STAU2: variants seen among roughly 807,000 people sequenced by gnomAD.
STAU2 encodes the protein staufen double-stranded RNA binding protein 2.
STAU2 carries 20 observed loss-of-function variants against 65.9 expected under a neutral mutation model. The observed-to-expected ratio is 0.30, with a 90% CI of 0.21 to 0.44. The LOEUF (loss-of-function observed/expected upper bound fraction) is 0.44. Ranked by LOEUF, STAU2 falls within the 20% of genes least tolerant of loss-of-function variation. STAU2 has a pLI of 1.00. For missense variants in STAU2, 558 were observed against 683.9 expected, an observed-to-expected ratio of 0.82 and a Z score of 2.05; for synonymous variants, 232 against 233.9, an observed-to-expected ratio of 0.99 and a Z score of 0.07.
At chr8:73,608,089 G>A (rs1431097248) in intron 9 of STAU2, among the ~76,000 whole-genome samples, 1 of 152,096 alleles carries the variant, frequency 6.6e-6, no homozygotes, top group Non-Finnish European at 1.5e-5. Flanking sequence ...TAGGATTTTG[G>A]ACTTTATCCA....
At chr8:73,447,512 T>C (rs1211549961) in intron 13 of STAU2, among the ~76,000 whole-genome samples, 1 of 152,256 alleles carries the variant, frequency 6.6e-6, no homozygotes, top group Non-Finnish European at 1.5e-5. Context: ...CTGCAATGGA[T>C]ATTCCTCTAC....
rs1554595570 is a variant in STAU2 at position 73,481,528 on chromosome 8, A to AAACC, written c.1531-58827_1531-58826insGGTT. ...AAAAACAAAAAAACAAAAAAAAAAA[A>AAACC]CACTTTTTTTGAGTGAACCAAACTA... On this transcript the variant is annotated intron_variant, in intron 13 of 14. Transcript: ENST00000524300. Among the ~76,000 whole-genome samples the AAACC allele has an allele frequency of 3.2e-4, 47 of 145,418 alleles. 1 individual carries two copies. Among genetic ancestry groups the AAACC allele is most frequent in the East Asian group, 1.3e-3 (6 of 4,582 alleles).
rs575127473 is a variant in STAU2 at position 73,498,848 on chromosome 8, T to A, written c.1530+53164A>T. On this transcript the variant is annotated intron_variant, in intron 13 of 14. Coordinates refer to ENST00000524300, the MANE Select transcript of STAU2 (RefSeq NM_001164380.2). ...GGAATGTGACGGTTAATTTTATGTG[T>A]TAACTTGGCTGTGCTGTGGTGCCCA... Among the ~76,000 whole-genome samples the A allele has an allele frequency of 9.2e-5, 14 of 151,946 alleles. 1 individual carries two copies. Among genetic ancestry groups the A allele is most frequent in the African/African-American group, 3.1e-4 (13 of 41,504 alleles).
At position 73,723,265 on chromosome 8, in the gene STAU2, A is replaced by G. The variant is rs571663289; in HGVS notation, c.-17-14103T>C. 3.3e-5 allele frequency among the ~76,000 whole-genome samples: 5 copies of G among 152,300 alleles called. No homozygotes were observed. The East Asian group carries it at 9.6e-4, about 29-fold the overall frequency. On this transcript the variant is annotated intron_variant, in intron 3 of 14. Coordinates refer to ENST00000524300, the MANE Select transcript of STAU2 (RefSeq NM_001164380.2). Reference sequence around the variant, plus strand: ...ATGCAGACATGGGAAGAACATGAAAACATCACACCAATACTGGCCCCAGCC... The same window carrying G: ...ATGCAGACATGGGAAGAACATGAAAGCATCACACCAATACTGGCCCCAGCC...
At chr8:73,501,605 A>C (rs1442675911) in intron 13 of STAU2, among the ~76,000 whole-genome samples, 1 of 151,938 alleles carries the variant, frequency 6.6e-6, no homozygotes, top group Non-Finnish European at 1.5e-5. Flanking sequence ...GAGTTTCCTG[A>C]GCATATTCTA....
At chr8:73,431,121 T>A (rs1019163552) in intron 13 of STAU2, among the ~76,000 whole-genome samples, 1 of 152,220 alleles carries the variant, frequency 6.6e-6, no homozygotes, top group Admixed American at 6.5e-5. Context: ...CCAAGCTGTG[T>A]AACTTCCCAC....
chr8:73,673,095 A>C lies in STAU2; in HGVS notation c.410+12T>G. 1.9e-6 allele frequency: 3 copies of C among 1,544,932 alleles called. No individual in the cohort carries two copies. Among genetic ancestry groups the C allele is most frequent in the African/African-American group, 1.4e-5 (1 of 72,164 alleles). On this transcript the variant is annotated intron_variant, in intron 6 of 14. Transcript: ENST00000524300. ...TAATAATTAAGAACAAAACCAAAAAAGACATACAAACCTCTGATTGTACAT... is the reference window on the plus strand; with the variant it reads ...TAATAATTAAGAACAAAACCAAAAACGACATACAAACCTCTGATTGTACAT...
At chr8:73,643,638 T>C (rs1815153670) in intron 6 of STAU2, among the ~76,000 whole-genome samples, 1 of 152,172 alleles carries the variant, frequency 6.6e-6, no homozygotes, top group Non-Finnish European at 1.5e-5. Flanking sequence ...ACATACCATA[T>C]ACCTGTACTT....
intron 4 of STAU2, among the ~76,000 whole-genome samples, chr8:73,698,677 G>C (rs1405155790): frequency 6.6e-6 from 1 of 152,028 alleles, no homozygotes; most frequent in African/African-American, 2.4e-5. Context: ...TAGACCTAAA[G>C]AGAAAGACAG....
intron 12 of STAU2, among the ~76,000 whole-genome samples, chr8:73,574,609 G>A (rs1010678204): frequency 5.9e-5 from 9 of 152,176 alleles, no homozygotes; most frequent in Admixed American, 6.5e-5. Context: ...CCTTTGTAGG[G>A]ACATGGATAA....
chr8:73,668,346 G>A (rs544928852), intron 6 of STAU2, among the ~76,000 whole-genome samples: 4 of 152,296 alleles, frequency 2.6e-5, no homozygotes, highest in African/African-American at 9.6e-5. Context: ...AGATATCCCA[G>A]TTACATAGCT....
chr8:73,730,597 G>C (rs1448043846), intron 3 of STAU2, among the ~76,000 whole-genome samples: 1 of 151,862 alleles, frequency 6.6e-6, no homozygotes, highest in Non-Finnish European at 1.5e-5. Context: ...TGTGGTGGTG[G>C]ACACCTGTAA....
intron 13 of STAU2, among the ~76,000 whole-genome samples, chr8:73,459,358 G>T (rs1170283826): frequency 1.3e-5 from 2 of 152,040 alleles, no homozygotes; most frequent in African/African-American, 2.4e-5. Context: ...TATTAGATTT[G>T]CACCAAAAAA....
intron 13 of STAU2, among the ~76,000 whole-genome samples, chr8:73,530,994 G>A (rs940157540): frequency 4.6e-5 from 7 of 152,152 alleles, no homozygotes; most frequent in Non-Finnish European, 1.0e-4. Flanking sequence ...CACCAGGAGT[G>A]GATGAAACCA....
chr8:73,459,573 C>T (rs562627883), intron 13 of STAU2, among the ~76,000 whole-genome samples: 3 of 152,062 alleles, frequency 2.0e-5, no homozygotes, highest in Non-Finnish European at 1.5e-5. Context: ...TGTGTGAAGT[C>T]GCCTCTCGTT....
intron 3 of STAU2, among the ~76,000 whole-genome samples, chr8:73,727,299 A>G (rs946351479): frequency 6.6e-6 from 1 of 152,170 alleles, no homozygotes; most frequent in African/African-American, 2.4e-5. Flanking sequence ...GTGTTGTACA[A>G]CTACCACCTA....
At position 73,570,549 on chromosome 8, in the gene STAU2, T is replaced by C. The variant is rs372979831; in HGVS notation, c.1222+12221A>G. Among the ~76,000 whole-genome samples the C allele has an allele frequency of 7.1e-4, 108 of 152,206 alleles. No homozygotes were observed. In the South Asian group the frequency reaches 0.012, roughly 17 times the overall value. ...CTGCAGTATATTATCCCAGAGAACT[T>C]CCCCAACCTAGCAAGGCAGGCCAAC... On this transcript the variant is annotated intron_variant, in intron 12 of 14. Coordinates refer to ENST00000524300, the MANE Select transcript of STAU2 (RefSeq NM_001164380.2).
At position 73,508,391 on chromosome 8, in the gene STAU2, G is replaced by A. The variant is rs181544645; in HGVS notation, c.1530+43621C>T. Among the ~76,000 whole-genome samples, 8 of 152,228 alleles carry A rather than the reference G, an allele frequency of 5.3e-5. No individual in the cohort carries two copies. In the East Asian group the frequency reaches 1.5e-3, roughly 29 times the overall value. ...GATGGAGAGAGATGGGGGAATGGGT[G>A]GTCAGTGGAGCAGTGAGAACACACA... On this transcript the variant is annotated intron_variant, in intron 13 of 14. Coordinates refer to ENST00000524300, the MANE Select transcript of STAU2 (RefSeq NM_001164380.2).
chr8:73,735,352 CATCTCAGACTTGAACA>C (rs1806359444), intron 3 of STAU2, among the ~76,000 whole-genome samples: 1 of 152,182 alleles, frequency 6.6e-6, no homozygotes, highest in Admixed American at 6.5e-5. Context: ...AGAGAGTCTT[CATCTCAGACTTGAACA>C]GTTTGGGGGA....
Sources: gnomAD v4.1 joint callset for allele counts (sites outside exome capture counted in the v4.1 genomes callset) on GRCh38, gnomAD v4.1.1 for gene constraint, MANE v1.5 for transcripts, NCBI Gene and HGNC (gene_info 2026-07-23, HGNC 2026-07-21) for gene names.